The following AFF3 variants were observed in gnomAD, a reference collection of about 807,000 sequenced individuals.
The protein encoded by AFF3 is AF4/FMR2 family member 3.
In AFF3, 32 loss-of-function variants were observed where a neutral mutation model predicts 129.7. The observed-to-expected ratio is 0.25, with a 90% CI of 0.19 to 0.33. The LOEUF (loss-of-function observed/expected upper bound fraction) is 0.33. Among genes scored for constraint, AFF3 ranks in the 10% least tolerant of loss-of-function variants. The pLI is 1.00. For synonymous variants in AFF3, 644 were observed against 635.4 expected (o/e 1.01, Z -0.20); for missense variants, 1,373 against 1,592.0 (o/e 0.86, Z 2.34).
intron 9 of AFF3, among the ~76,000 whole-genome samples, chr2:99,746,515 T>A (rs1464731661): frequency 1.3e-5 from 2 of 152,212 alleles, no homozygotes; most frequent in Non-Finnish European, 2.9e-5. Context: ...TGCAGATGCC[T>A]AATAAACCTC....
At chr2:99,983,076 T>C (rs149203619) in intron 7 of AFF3, among the ~76,000 whole-genome samples, 4 of 152,358 alleles carry the variant, frequency 2.6e-5, no homozygotes, top group African/African-American at 9.6e-5. Context: ...TAAAGAACTA[T>C]CCAGGTGTCT....
chr2:99,906,844 T>TACAC (rs56113249), intron 7 of AFF3, among the ~76,000 whole-genome samples: 1,666 of 146,432 alleles, frequency 0.011, 11 homozygotes, highest in African/African-American at 0.016. Flanking sequence ...CTATCCATAT[T>TACAC]ACACACACAC....
chr2:99,985,681 T>A (rs539378159), intron 7 of AFF3, among the ~76,000 whole-genome samples: 4 of 152,068 alleles, frequency 2.6e-5, no homozygotes, highest in South Asian at 4.2e-4. Flanking sequence ...AGCACAAAAA[T>A]GAGCAAAAGT....
At chr2:100,032,758 A>T (rs1684606137) in intron 4 of AFF3, among the ~76,000 whole-genome samples, 1 of 152,058 alleles carries the variant, frequency 6.6e-6, no homozygotes. Context: ...CTGTTCCTGG[A>T]CTGACTTTTC....
chr2:99,961,927 T>C (rs1232296641), intron 7 of AFF3, among the ~76,000 whole-genome samples: 1 of 152,148 alleles, frequency 6.6e-6, no homozygotes, highest in Admixed American at 6.5e-5. Context: ...CTTGGCCAGA[T>C]GAAGCACTCT....
chr2:99,572,283 C>T lies in AFF3; in HGVS notation c.2919-3368G>A, dbSNP rs574595787. Among the ~76,000 whole-genome samples the T allele has an allele frequency of 1.1e-4, 10 of 87,600 alleles. No homozygotes were observed. In the South Asian group the frequency reaches 4.7e-3, roughly 41 times the overall value. 57.5% of individuals were successfully genotyped at this position (87,600 alleles called of 152,430 possible). The stretch of plus-strand genomic sequence containing the variant: ...AGAATGTTTTCTTTTCTTCTCTTCC[C>T]CCTCCCACCACCCCCCCCCCCCCAC... On this transcript the variant is annotated intron_variant, in intron 18 of 24. Coordinates refer to ENST00000672756, the MANE Select transcript of AFF3 (RefSeq NM_001386135.1).
At chr2:100,132,404 A>G (rs1692459646) in intron 1 of AFF3, among the ~76,000 whole-genome samples, 1 of 152,350 alleles carries the variant, frequency 6.6e-6, no homozygotes, top group Admixed American at 6.5e-5. Context: ...TCTAGAAACA[A>G]CAAAACAAAG....
At chr2:99,620,665 C>T (rs1228277270) in intron 13 of AFF3, among the ~76,000 whole-genome samples, 1 of 152,100 alleles carries the variant, frequency 6.6e-6, no homozygotes, top group East Asian at 1.9e-4. Flanking sequence ...CCCTCTGAAA[C>T]TTTGGATATT....
At chr2:99,920,281 G>A (rs913476688) in intron 7 of AFF3, among the ~76,000 whole-genome samples, 6 of 151,898 alleles carry the variant, frequency 4.0e-5, no homozygotes, top group African/African-American at 1.4e-4. Flanking sequence ...AATCCCTCAT[G>A]AGCACAGATG....
intron 12 of AFF3, among the ~76,000 whole-genome samples, chr2:99,664,386 AAGGC>A (rs1686498243): frequency 6.6e-6 from 1 of 152,240 alleles, no homozygotes. Context: ...CTTGAAAGGG[AAGGC>A]TGTGGAGAAA....
chr2:99,784,790 T>C (rs765513524), intron 8 of AFF3, among the ~76,000 whole-genome samples: 2 of 152,238 alleles, frequency 1.3e-5, no homozygotes, highest in African/African-American at 2.4e-5. Flanking sequence ...TGTAACTGTA[T>C]TGTCCTATCA....
intron 8 of AFF3, among the ~76,000 whole-genome samples, chr2:99,779,557 C>T (rs902319017): frequency 2.6e-5 from 4 of 152,094 alleles, no homozygotes; most frequent in African/African-American, 9.7e-5. Context: ...TTAGAGGGTA[C>T]AAGTCCAGGT....
rs371043037 is a variant in AFF3 at position 99,823,499 on chromosome 2, G to A, written c.921+13978C>T. Among the ~76,000 whole-genome samples, 40 of 152,252 alleles carry A rather than the reference G, an allele frequency of 2.6e-4. 1 individual carries two copies. The highest frequency in any genetic ancestry group is 2.1e-3 in the East Asian group (11 of 5,186). ...TACATGTAGAAATAAATCTATATTT[G>A]AGACTATTGAAAAGATATTTACAAG... On this transcript the variant is annotated intron_variant, in intron 8 of 24. Transcript: ENST00000672756.
chr2:100,074,096 C>T (rs1445802780), intron 4 of AFF3, among the ~76,000 whole-genome samples: 4 of 152,180 alleles, frequency 2.6e-5, no homozygotes, highest in Admixed American at 6.5e-5. Context: ...AATGCTGAAT[C>T]GCTGCAAGCC....
At chr2:99,985,971 T>C (rs1282970066) in intron 7 of AFF3, among the ~76,000 whole-genome samples, 1 of 151,804 alleles carries the variant, frequency 6.6e-6, no homozygotes, top group Non-Finnish European at 1.5e-5. Flanking sequence ...GAGGCCGAGG[T>C]GGGCGGATCA....
intron 13 of AFF3, among the ~76,000 whole-genome samples, chr2:99,633,033 G>A (rs1011170202): frequency 1.3e-5 from 2 of 151,968 alleles, no homozygotes; most frequent in Non-Finnish European, 2.9e-5. Flanking sequence ...TTTTTAGTGC[G>A]ACTGTACTAC....
intron 8 of AFF3, among the ~76,000 whole-genome samples, chr2:99,798,723 C>CT (rs1169375931): frequency 2.6e-5 from 4 of 151,946 alleles, no homozygotes; most frequent in African/African-American, 9.7e-5. Context: ...ATCACATTGT[C>CT]TAACGGACCA....
At chr2:99,647,722 T>G (rs1174566795) in intron 13 of AFF3, among the ~76,000 whole-genome samples, 1 of 152,196 alleles carries the variant, frequency 6.6e-6, no homozygotes, top group Non-Finnish European at 1.5e-5. Context: ...ACTGCTAGAA[T>G]AGCAAAGTCA....
intron 11 of AFF3, among the ~76,000 whole-genome samples, chr2:99,687,957 C>T (rs1675231589): frequency 6.6e-6 from 1 of 152,186 alleles, no homozygotes; most frequent in African/African-American, 2.4e-5. Flanking sequence ...GTTCTCCTGC[C>T]TCAGCTTCCT....
Sources: allele counts gnomAD v4.1 joint callset (sites outside exome capture counted in the v4.1 genomes callset), GRCh38; gene constraint gnomAD v4.1.1; transcripts MANE v1.5; gene names NCBI Gene and HGNC (gene_info 2026-07-23, HGNC 2026-07-21).